Variants in GFRA1 observed in about 807,000 individuals in gnomAD.
GFRA1 encodes the protein GDNF family receptor alpha-1.
GFRA1 carries 16 observed loss-of-function variants against 51.6 expected under a neutral mutation model. That is an observed-to-expected ratio of 0.31 (90% CI 0.21 to 0.47). The LOEUF is 0.47. GFRA1 is among the 20% of genes least tolerant of loss of function. GFRA1 has a pLI of 1.00. For synonymous variants in GFRA1, 270 were observed against 241.3 expected, an observed-to-expected ratio of 1.12 and a Z score of -1.10; for missense variants, 530 against 594.3, an observed-to-expected ratio of 0.89 and a Z score of 1.13.
intron 5 of GFRA1, among the ~76,000 whole-genome samples, chr10:116,189,981 G>A (rs918998939): frequency 2.0e-5 from 3 of 151,896 alleles, no homozygotes; most frequent in Non-Finnish European, 2.9e-5. Context: ...AGGTATTTCC[G>A]GCCTGATGAG....
At chr10:116,228,839 A>C (rs1039291225) in intron 4 of GFRA1, among the ~76,000 whole-genome samples, 5 of 151,878 alleles carry the variant, frequency 3.3e-5, no homozygotes, top group Non-Finnish European at 7.4e-5. Context: ...AAAATTAGCC[A>C]GGAGTGGTGG....
chr10:116,071,476 T>C lies in GFRA1; in HGVS notation c.1198-5850A>G, dbSNP rs1185703551. 3.3e-5 allele frequency among the ~76,000 whole-genome samples: 5 copies of C among 152,294 alleles called. No individual in the cohort carries two copies. In the East Asian group the frequency reaches 9.6e-4, roughly 29 times the overall value. The stretch of plus-strand genomic sequence containing the variant: ...TTGGAGGAGGCATAGCTCAGACAGG[T>C]TGGGCTACATTTAGGTGAAGCCTCC... On this transcript the variant is annotated intron_variant, in intron 9 of 10. Coordinates refer to ENST00000355422, the MANE Select transcript of GFRA1 (RefSeq NM_005264.8).
At chr10:116,260,919 C>G (rs1429219154) in intron 4 of GFRA1, among the ~76,000 whole-genome samples, 3 of 152,140 alleles carry the variant, frequency 2.0e-5, no homozygotes, top group African/African-American at 7.2e-5. Context: ...TAAAAAAAAT[C>G]TGAGGGCTTA....
chr10:116,110,256 A>G (rs186783238), intron 6 of GFRA1, among the ~76,000 whole-genome samples: 2 of 152,236 alleles, frequency 1.3e-5, no homozygotes, highest in African/African-American at 4.8e-5. Flanking sequence ...AAGGGATTTC[A>G]CTGAGCATTA....
intron 5 of GFRA1, among the ~76,000 whole-genome samples, chr10:116,170,467 A>G (rs1349117927): frequency 2.0e-5 from 3 of 152,208 alleles, no homozygotes; most frequent in Non-Finnish European, 2.9e-5. Flanking sequence ...TTGCTCTTCT[A>G]AATTTCTGTG....
intron 4 of GFRA1, among the ~76,000 whole-genome samples, chr10:116,248,345 A>T (rs1968039835): frequency 6.6e-6 from 1 of 152,174 alleles, no homozygotes; most frequent in South Asian, 2.1e-4. Flanking sequence ...GGCTCAATGC[A>T]ATCAGGCGGG....
chr10:116,273,578 C>G (rs1844105371), upstream of GFRA1: 1 of 152,382 alleles, frequency 6.6e-6, no homozygotes, highest in Admixed American at 6.5e-5. Context: ...GACCCGCGGC[C>G]GGACCCGTAC....
At chr10:116,251,843 C>T (rs1968391598) in intron 4 of GFRA1, among the ~76,000 whole-genome samples, 1 of 151,858 alleles carries the variant, frequency 6.6e-6, no homozygotes, top group Admixed American at 6.6e-5. Context: ...GCTGGGAATG[C>T]AGTCATGAGG....
chr10:116,194,361 C>T (rs187838220), intron 5 of GFRA1, among the ~76,000 whole-genome samples: 1 of 152,182 alleles, frequency 6.6e-6, no homozygotes, highest in South Asian at 2.1e-4. Flanking sequence ...GACCCCCACC[C>T]TCACCTTGCT....
intron 5 of GFRA1, among the ~76,000 whole-genome samples, chr10:116,187,437 T>C (rs923314769): frequency 6.6e-6 from 1 of 152,198 alleles, no homozygotes; most frequent in Non-Finnish European, 1.5e-5. Context: ...ACTAACAGTC[T>C]AAGACATCAG....
rs774319869 is a variant in GFRA1 at position 116,096,780 on chromosome 10, A to C, written c.771-16T>G. Reference sequence around the variant, plus strand: ...AAGGCGAGATCTACAATAGGAAAAAAGGGGTGGGGGGTGGAAATGTGCTTT... The same window carrying C: ...AAGGCGAGATCTACAATAGGAAAAACGGGGTGGGGGGTGGAAATGTGCTTT... On this transcript the variant is annotated splice_polypyrimidine_tract_variant and intron_variant, in intron 6 of 10. Coordinates refer to ENST00000355422, the MANE Select transcript of GFRA1 (RefSeq NM_005264.8). 3 of 1,381,900 alleles carry C rather than the reference A, an allele frequency of 2.2e-6. No individual in the cohort carries two copies. The highest frequency in any genetic ancestry group is 4.6e-5 in the East Asian group (2 of 43,770). 85.6% of individuals were successfully genotyped at this position (1,381,900 alleles called of 1,614,324 possible). A position where few individuals can be genotyped will look rare whatever the true frequency, so the allele number is the denominator to read the frequency against.
intron 4 of GFRA1, among the ~76,000 whole-genome samples, chr10:116,231,900 G>A (rs1278677350): frequency 6.6e-6 from 1 of 152,212 alleles, no homozygotes; most frequent in Admixed American, 6.5e-5. Flanking sequence ...CCTTCGGCAA[G>A]TAGGACTATT....
upstream of GFRA1, among the ~76,000 whole-genome samples, chr10:116,274,029 C>T (rs1343091016): frequency 2.0e-5 from 3 of 152,194 alleles, no homozygotes; most frequent in Non-Finnish European, 4.4e-5. Flanking sequence ...CCAGACCTGG[C>T]TTTAGAAAAT....
chr10:116,163,721 CACACGGTAAGTTTGTGAG>C (rs1327571468), intron 5 of GFRA1, among the ~76,000 whole-genome samples: 6 of 152,144 alleles, frequency 3.9e-5, no homozygotes, highest in African/African-American at 1.4e-4. Context: ...GAATGGAATG[CACACGGTAAGTTTGTGAG>C]CCACGGAGGC....
rs546785134 is a variant in GFRA1 at position 116,162,156 on chromosome 10, A to C, written c.434-36599T>G. Among the ~76,000 whole-genome samples the C allele has an allele frequency of 8.7e-5, 13 of 149,882 alleles. No homozygotes were observed. The South Asian group carries it at 2.7e-3, about 31-fold the overall frequency. ...GTTTCATCAGCTCTCCCAGAATCTAAACGGCACCAAGACTGGGTTCACCAG... is the reference window on the plus strand; with the variant it reads ...GTTTCATCAGCTCTCCCAGAATCTACACGGCACCAAGACTGGGTTCACCAG... On this transcript the variant is annotated intron_variant, in intron 5 of 10. Coordinates refer to ENST00000355422, the MANE Select transcript of GFRA1 (RefSeq NM_005264.8).
Position 116,179,477 on chromosome 10 carries a change from T to C in GFRA1, c.433+32154A>G, listed in dbSNP as rs112942232. 2.8e-4 allele frequency among the ~76,000 whole-genome samples: 43 copies of C among 152,304 alleles called. 1 individual carries two copies. The highest frequency in any genetic ancestry group is 9.4e-4 in the African/African-American group (39 of 41,574). ...AACTGAAGTATGGAGATGAAGTGAC[T>C]AGCCCAAGGTCTCATAGCTGGTAAG... is the stretch of plus-strand genomic sequence containing the variant. On this transcript the variant is annotated intron_variant, in intron 5 of 10. Coordinates refer to ENST00000355422, the MANE Select transcript of GFRA1 (RefSeq NM_005264.8).
At chr10:116,207,493 G>A (rs974739663) in intron 5 of GFRA1, among the ~76,000 whole-genome samples, 4 of 152,184 alleles carry the variant, frequency 2.6e-5, no homozygotes, top group African/African-American at 9.7e-5. Flanking sequence ...TGGGCATGTG[G>A]TGTCGAAGGA....
chr10:116,089,253 C>T (rs1297787333), intron 9 of GFRA1, among the ~76,000 whole-genome samples: 1 of 152,128 alleles, frequency 6.6e-6, no homozygotes, highest in Non-Finnish European at 1.5e-5. Context: ...AGAACCAACC[C>T]GTCAAGCAGT....
intron 5 of GFRA1, among the ~76,000 whole-genome samples, chr10:116,138,195 T>A (rs182603564): frequency 6.6e-6 from 1 of 152,258 alleles, no homozygotes; most frequent in Non-Finnish European, 1.5e-5. Flanking sequence ...GGCTTTTTGG[T>A]CACCTACTAG....
Sources: gnomAD v4.1 joint callset for allele counts (sites outside exome capture counted in the v4.1 genomes callset) on GRCh38, gnomAD v4.1.1 for gene constraint, MANE v1.5 for transcripts, NCBI Gene and HGNC (gene_info 2026-07-23, HGNC 2026-07-21) for gene names.